TTC6: variants seen among roughly 807,000 people sequenced by gnomAD.
The protein encoded by TTC6 is tetratricopeptide repeat protein 6.
A neutral mutation model predicts 210.4 loss-of-function variants in TTC6; 172 were observed. That is an observed-to-expected ratio of 0.82 (90% CI 0.72 to 0.93). The LOEUF is 0.93. TTC6 is among the 40% of genes least tolerant of loss of function. TTC6 has a pLI of 0.00. For synonymous variants in TTC6, 804 were observed against 819.6 expected (o/e 0.98, Z 0.32); for missense variants, 2,414 against 2,318.1 (o/e 1.04, Z -0.85).
At chr14:37,695,554 T>C (rs1369317777) in intron 3 of TTC6, among the ~76,000 whole-genome samples, 1 of 152,074 alleles carries the variant, frequency 6.6e-6, no homozygotes, top group East Asian at 1.9e-4. Flanking sequence ...GGTTTCTCCA[T>C]GTTGGTCAGA....
At chr14:37,794,366 C>T (rs1486006498) in intron 17 of TTC6, among the ~76,000 whole-genome samples, 1 of 152,126 alleles carries the variant, frequency 6.6e-6, no homozygotes, top group Non-Finnish European at 1.5e-5. Flanking sequence ...TGCCTGCTTC[C>T]ATGCACAAAT....
At chr14:37,796,338 T>G in exon 19 of TTC6, 2 of 1,270,220 alleles carry the variant, frequency 1.6e-6, no homozygotes, top group Non-Finnish European at 2.2e-6. Context: ...CTTGCAAAGT[T>G]TACTATTTAT....
intron 1 of TTC6, among the ~76,000 whole-genome samples, chr14:37,666,194 C>A (rs922795942): frequency 6.7e-6 from 1 of 150,120 alleles, no homozygotes; most frequent in African/African-American, 2.4e-5. Flanking sequence ...CATTGGCCTT[C>A]ATGGCTGTGG....
At chr14:37,696,047 G>C (rs2095814217) in intron 3 of TTC6, among the ~76,000 whole-genome samples, 2 of 152,210 alleles carry the variant, frequency 1.3e-5, no homozygotes, top group Non-Finnish European at 2.9e-5. Flanking sequence ...TGTATTCATT[G>C]AACTTTCTTT....
chr14:37,659,668 A>G (rs1016260642), intron 1 of TTC6, among the ~76,000 whole-genome samples: 1 of 152,204 alleles, frequency 6.6e-6, no homozygotes, highest in African/African-American at 2.4e-5. Flanking sequence ...TTACAGGCAC[A>G]TGCTACCATG....
chr14:37,603,509 A>G (rs1044182647), intron 1 of TTC6, among the ~76,000 whole-genome samples: 1 of 152,168 alleles, frequency 6.6e-6, no homozygotes, highest in African/African-American at 2.4e-5. Context: ...CACCGCAAAA[A>G]TTTCCTTCCT....
chr14:37,684,031 C>A (rs778146313), intron 3 of TTC6, among the ~76,000 whole-genome samples: 3 of 152,066 alleles, frequency 2.0e-5, no homozygotes, highest in Non-Finnish European at 4.4e-5. Flanking sequence ...ATACGCTTCA[C>A]TGAGGTCAAC....
chr14:37,650,773 C>G (rs559750531), intron 1 of TTC6, among the ~76,000 whole-genome samples: 18 of 152,222 alleles, frequency 1.2e-4, no homozygotes, highest in African/African-American at 3.9e-4. Context: ...TTTGAATAAT[C>G]CGTATTCTTA....
chr14:37,650,339 G>A (rs571164892), intron 1 of TTC6, among the ~76,000 whole-genome samples: 1 of 152,220 alleles, frequency 6.6e-6, no homozygotes, highest in Admixed American at 6.5e-5. Flanking sequence ...TTCATTTTTT[G>A]TAATTTTTGT....
intron 29 of TTC6, among the ~76,000 whole-genome samples, chr14:37,831,482 G>A (rs562981179): frequency 1.3e-5 from 2 of 152,138 alleles, no homozygotes; most frequent in South Asian, 4.1e-4. Flanking sequence ...CTATTGTTTT[G>A]AGGAACCTTC....
At chr14:37,654,889 C>T (rs2095719152) in intron 1 of TTC6, among the ~76,000 whole-genome samples, 1 of 152,160 alleles carries the variant, frequency 6.6e-6, no homozygotes, top group African/African-American at 2.4e-5. Flanking sequence ...TTTTCTAATG[C>T]ACAAGGAATG....
chr14:37,732,264 G>A (rs1041499504), intron 7 of TTC6, among the ~76,000 whole-genome samples: 30 of 130,182 alleles, frequency 2.3e-4, no homozygotes, highest in Admixed American at 8.7e-4. Context: ...CTCACTGCAA[G>A]CTCTGCCTCC....
Position 37,826,090 on chromosome 14 carries a change from A to G in TTC6, c.4975-105A>G, listed in dbSNP as rs1217828850. Reference sequence around the variant, plus strand: ...TGAAAGAACTTAGATTTAGCATGGCATAAATATACCCTTACTAAAGGTTTT... The same window carrying G: ...TGAAAGAACTTAGATTTAGCATGGCGTAAATATACCCTTACTAAAGGTTTT... On this transcript the variant is annotated intron_variant, in intron 27 of 30. Transcript: ENST00000553443. The G allele has an allele frequency of 5.0e-6, 6 of 1,196,784 alleles. No individual in the cohort carries two copies. In the South Asian group the frequency reaches 6.0e-5, roughly 12 times the overall value. 74.1% of individuals were successfully genotyped at this position (1,196,784 alleles called of 1,614,324 possible).
chr14:37,833,336 C>T (rs2096190411), intron 29 of TTC6, among the ~76,000 whole-genome samples: 1 of 152,106 alleles, frequency 6.6e-6, no homozygotes, highest in Non-Finnish European at 1.5e-5. Flanking sequence ...ATATTTCTTG[C>T]TTAACTGATC....
intron 26 of TTC6, among the ~76,000 whole-genome samples, chr14:37,821,791 T>G (rs899261253): frequency 6.8e-6 from 1 of 146,610 alleles, no homozygotes; most frequent in Middle Eastern, 3.2e-3. Flanking sequence ...TTTTTTTTTT[T>G]TTTTTTGAGA....
intron 14 of TTC6, among the ~76,000 whole-genome samples, chr14:37,767,147 G>A (rs1164403095): frequency 6.6e-6 from 1 of 152,148 alleles, no homozygotes; most frequent in Admixed American, 6.5e-5. Context: ...TTTTATGGCT[G>A]CATAGTATTC....
rs117704834 is a variant in TTC6 at position 37,626,819 on chromosome 14, T to C, written c.939+3816T>C. ...GCAGCCTAGCAAGACAAAAAATTTT[T>C]AGACGATAACTATGTTACTCCAGCT... On this transcript the variant is annotated intron_variant, in intron 1 of 30. Transcript: ENST00000553443. Among the ~76,000 whole-genome samples the C allele has an allele frequency of 7.8e-3, 1,193 of 152,332 alleles. 21 individuals carry two copies. Among genetic ancestry groups the C allele is most frequent in the East Asian group, 0.067 (346 of 5,184 alleles).
chr14:37,684,775 C>A (rs551960190), intron 3 of TTC6, among the ~76,000 whole-genome samples: 1 of 152,282 alleles, frequency 6.6e-6, no homozygotes, highest in East Asian at 1.9e-4. Context: ...AAGTTAGTTT[C>A]TAGCATTTCT....
intron 29 of TTC6, among the ~76,000 whole-genome samples, chr14:37,838,628 A>G (rs1179297911): frequency 4.6e-5 from 7 of 151,794 alleles, no homozygotes; most frequent in Admixed American, 4.6e-4. Flanking sequence ...TTGAGCTCTT[A>G]CTTTGTTTTT....
Sources: allele counts gnomAD v4.1 joint callset (sites outside exome capture counted in the v4.1 genomes callset), GRCh38; gene constraint gnomAD v4.1.1; transcripts MANE v1.5; gene names NCBI Gene and HGNC (gene_info 2026-07-23, HGNC 2026-07-21).